The following THSD7B variants were observed in gnomAD, a reference collection of about 807,000 sequenced individuals.
THSD7B encodes the protein thrombospondin type-1 domain-containing protein 7B.
A neutral mutation model predicts 213.6 loss-of-function variants in THSD7B; 138 were observed. The ratio of observed to expected loss-of-function variants is 0.65; its 90% CI spans 0.56 to 0.74. The LOEUF is 0.74. Among genes scored for constraint, THSD7B ranks in the 30% least tolerant of loss-of-function variants. THSD7B has a pLI of 0.00. For missense variants in THSD7B, 1,931 were observed against 1,991.5 expected (o/e 0.97, Z 0.58); for synonymous variants, 742 against 687.0 (o/e 1.08, Z -1.25).
At chr2:137,642,675 A>G (rs769106651) in intron 21 of THSD7B, 42 bp downstream of exon 21, 1 of 1,604,398 alleles carries the variant, frequency 6.2e-7, no homozygotes, top group South Asian at 1.1e-5. Context: ...TCATCAGTAT[A>G]TTCGAAGCAC....
At chr2:137,557,465 C>A (rs1265538723) in intron 15 of THSD7B, among the ~76,000 whole-genome samples, 2 of 152,084 alleles carry the variant, frequency 1.3e-5, no homozygotes, top group Non-Finnish European at 2.9e-5. Flanking sequence ...TGAATGAATA[C>A]TGGGTACATA....
chr2:137,377,013 T>G (rs1685672120), intron 12 of THSD7B, among the ~76,000 whole-genome samples: 1 of 152,192 alleles, frequency 6.6e-6, no homozygotes, highest in Non-Finnish European at 1.5e-5. Context: ...CTAACAGATT[T>G]TTATAACATG....
chr2:137,144,503 C>G (rs1679652998), intron 5 of THSD7B, among the ~76,000 whole-genome samples: 1 of 151,946 alleles, frequency 6.6e-6, no homozygotes, highest in South Asian at 2.1e-4. Context: ...TTTGCAGACT[C>G]AGTATCATAG....
At chr2:137,503,604 A>C (rs1164719385) in intron 15 of THSD7B, among the ~76,000 whole-genome samples, 1 of 152,254 alleles carries the variant, frequency 6.6e-6, no homozygotes, top group African/African-American at 2.4e-5. Context: ...GGTGCAAAAC[A>C]GATCTGCTTT....
intron 15 of THSD7B, among the ~76,000 whole-genome samples, chr2:137,464,638 T>C (rs1687956331): frequency 6.6e-6 from 1 of 152,074 alleles, no homozygotes; most frequent in South Asian, 2.1e-4. Context: ...AAGAAACCCT[T>C]AGGCATAGAA....
chr2:137,152,123 A>G (rs557129488), intron 5 of THSD7B, among the ~76,000 whole-genome samples: 1 of 152,124 alleles, frequency 6.6e-6, no homozygotes, highest in South Asian at 2.1e-4. Flanking sequence ...TAAATGTTAA[A>G]ATGAAAATAG....
chr2:137,043,245 C>G (rs1342453479), intron 2 of THSD7B, among the ~76,000 whole-genome samples: 2 of 152,176 alleles, frequency 1.3e-5, no homozygotes, highest in African/African-American at 4.8e-5. Flanking sequence ...GCCAGGGTCC[C>G]CAATTATTTC....
At chr2:137,094,764 A>T in intron 3 of THSD7B, 109 bp from the exon 4 acceptor site, 1 of 1,391,716 alleles carries the variant, frequency 7.2e-7, no homozygotes, top group Non-Finnish European at 9.7e-7. Context: ...TCTTCCTATT[A>T]AACGCTTAAA....
At chr2:137,638,078 C>T (rs1682866775) in intron 20 of THSD7B, among the ~76,000 whole-genome samples, 1 of 152,174 alleles carries the variant, frequency 6.6e-6, no homozygotes, top group Non-Finnish European at 1.5e-5. Flanking sequence ...CTGGGAAGAA[C>T]ATCTGTCTAA....
rs191212888 is a variant in THSD7B, at chr2:136,826,426, T to G, written c.-35-55718T>G. 2.7e-5 allele frequency among the ~76,000 whole-genome samples: 4 copies of G among 147,554 alleles called. No homozygotes were observed. In the East Asian group the frequency reaches 7.7e-4, roughly 28 times the overall value. On this transcript the variant is annotated intron_variant, in intron 1 of 27. Coordinates refer to ENST00000409968, the MANE Select transcript of THSD7B (RefSeq NM_001316349.2). ...TGCTCCGTGCTGAGCCTCTGATTTC[T>G]TGTTCATTTGTTGATTGTTGTTACA...
chr2:137,344,392 C>T (rs1365433706), intron 12 of THSD7B, among the ~76,000 whole-genome samples: 1 of 151,730 alleles, frequency 6.6e-6, no homozygotes, highest in Non-Finnish European at 1.5e-5. Flanking sequence ...ATCATGGAAG[C>T]ATCAGACTGT....
intron 2 of THSD7B, among the ~76,000 whole-genome samples, chr2:136,892,021 G>A (rs1573693531): frequency 6.6e-6 from 1 of 152,106 alleles, no homozygotes; most frequent in South Asian, 2.1e-4. Context: ...TGGAACAGCT[G>A]AAATTCTTCA....
At chr2:136,960,394 C>T (rs879431040) in intron 2 of THSD7B, among the ~76,000 whole-genome samples, 4 of 152,190 alleles carry the variant, frequency 2.6e-5, no homozygotes, top group East Asian at 1.9e-4. Context: ...CCACCTTGGC[C>T]GCTTGAAGTG....
intron 10 of THSD7B, among the ~76,000 whole-genome samples, chr2:137,250,447 C>T (rs1558973288): frequency 6.6e-6 from 1 of 152,096 alleles, no homozygotes; most frequent in Non-Finnish European, 1.5e-5. Flanking sequence ...CCATTTAATT[C>T]TTACCTCAAC....
intron 6 of THSD7B, among the ~76,000 whole-genome samples, chr2:137,162,010 A>G (rs889004033): frequency 6.6e-6 from 1 of 152,156 alleles, no homozygotes; most frequent in Non-Finnish European, 1.5e-5. Context: ...AAGCTGTAGA[A>G]CCACATCAGA....
Position 137,170,809 on chromosome 2 carries a change from G to A in THSD7B, c.1594G>A (p.Val532Met), listed in dbSNP as rs375376843. The change falls in exon 7 of 28, where the codon GTG becomes ATG. Residue 532 changes from valine (V) to methionine (M), a missense_variant. Physicochemically the swap from Val to Met is conservative, Grantham distance 21. Coordinates refer to ENST00000409968, the MANE Select transcript of THSD7B (RefSeq NM_001316349.2). ...GCCTGCAGGGCATTGCCCTCATTTG[G>A]TGGAGTCTGTTCCTTGTGAGGATCC... ...TGPAGHCPHL[V>M]ESVPCEDPMC... The A allele has an allele frequency of 1.4e-5, 23 of 1,613,642 alleles. No homozygotes were observed. Among genetic ancestry groups the A allele is most frequent in the Admixed American group, 3.3e-5 (2 of 59,984 alleles).
In THSD7B at chr2:137,405,640, G is replaced by C. The variant is rs916519617; in HGVS notation, c.2528G>C (p.Arg843Pro). 21 of 1,608,676 alleles carry C rather than the reference G, an allele frequency of 1.3e-5. No individual in the cohort carries two copies. Among genetic ancestry groups the C allele is most frequent in the African/African-American group, 6.7e-5 (5 of 74,474 alleles). The change falls in exon 13 of 28, where the codon CGG (arginine) becomes CCG (proline). Residue 843 changes from arginine (R) to proline (P), a missense_variant. Transcript: ENST00000409968. ...GTCTCATGCATCTCTGATGACAACC[G>C]GTCAGCAGAAATGATGGAATGCCTC... ...RAVSCISDDN[R>P]SAEMMECLKQ...
intron 1 of THSD7B, among the ~76,000 whole-genome samples, chr2:136,829,584 C>G (rs1027624090): frequency 1.3e-5 from 2 of 152,026 alleles, no homozygotes; most frequent in Non-Finnish European, 2.9e-5. Context: ...AACTTGGGTC[C>G]CCTGACTCCA....
intron 2 of THSD7B, among the ~76,000 whole-genome samples, chr2:137,054,668 G>A (rs1687127151): frequency 6.6e-6 from 1 of 152,138 alleles, no homozygotes; most frequent in Non-Finnish European, 1.5e-5. Flanking sequence ...GAAAGAGAGA[G>A]AGCTTGTGTA....
Sources: gnomAD v4.1 joint callset for allele counts (sites outside exome capture counted in the v4.1 genomes callset) on GRCh38, gnomAD v4.1.1 for gene constraint, MANE v1.5 for transcripts, NCBI Gene and HGNC (gene_info 2026-07-23, HGNC 2026-07-21) for gene names.